The following RNF128 variants were observed in gnomAD, a reference collection of about 807,000 sequenced individuals.
The protein encoded by RNF128 is ring finger protein 128.
RNF128 carries 13 observed loss-of-function variants against 26.2 expected under a neutral mutation model. The observed-to-expected ratio is 0.50, with a 90% CI of 0.32 to 0.79. RNF128 has a LOEUF of 0.79. Among genes scored for constraint, RNF128 ranks in the 30% least tolerant of loss-of-function variants. The pLI is 0.03. For synonymous variants in RNF128, 149 were observed against 142.5 expected, an observed-to-expected ratio of 1.05 and a Z score of -0.32; for missense variants, 315 against 349.7, an observed-to-expected ratio of 0.90 and a Z score of 0.79.
intron 1 of RNF128, among the ~76,000 whole-genome samples, chrX:106,744,859 C>T (rs1320172910): frequency 3.6e-5 from 4 of 111,834 alleles, no homozygotes; most frequent in Non-Finnish European, 7.5e-5. Flanking sequence ...TTGGAGTTCT[C>T]AATAACTTTA....
At chrX:106,694,017 T>C (rs1928828045) in exon 1 of RNF128, 1 of 1,198,621 alleles carries the variant, frequency 8.3e-7, no homozygotes, top group Non-Finnish European at 1.1e-6. Context: ...ACCAGGAGAA[T>C]AGGTCCAGTT....
intron 1 of RNF128, among the ~76,000 whole-genome samples, chrX:106,704,433 GAAAAA>G (rs55870405): frequency 4.0e-5 from 2 of 49,467 alleles, no homozygotes; most frequent in South Asian, 1.6e-3. Flanking sequence ...CTCTGTCTCA[GAAAAA>G]AAAAAAAAAA....
intron 1 of RNF128, among the ~76,000 whole-genome samples, chrX:106,732,039 CAAA>C (rs1396940459): frequency 9.0e-6 from 1 of 111,669 alleles, no homozygotes; most frequent in Non-Finnish European, 1.9e-5. Context: ...AAACTACATT[CAAA>C]GCTTTATATG....
At chrX:106,795,445 A>G in intron 6 of RNF128, 135 bp from the exon 7 acceptor site, 1 of 481,797 alleles carries the variant, frequency 2.1e-6, no homozygotes, top group Non-Finnish European at 3.4e-6. Flanking sequence ...TAATTATTAG[A>G]GGTACAGGGA....
At chrX:106,699,957 G>C (rs1928930069) in intron 1 of RNF128, among the ~76,000 whole-genome samples, 1 of 107,969 alleles carries the variant, frequency 9.3e-6, no homozygotes, top group Non-Finnish European at 1.9e-5. Flanking sequence ...AAAACCTTCA[G>C]GTCGTTCTTG....
chrX:106,795,941 A>G lies in RNF128; in HGVS notation c.*228A>G. On this transcript the variant is annotated 3_prime_UTR_variant, in exon 7 of 7. Transcript: ENST00000255499. ...ATAGGCAAGTTTCCTCTCAGTAGTGATAACAACATTTTTAGACATTCAAAA... is the reference window on the plus strand; with the variant it reads ...ATAGGCAAGTTTCCTCTCAGTAGTGGTAACAACATTTTTAGACATTCAAAA... The G allele has an allele frequency of 4.4e-6, 1 of 225,988 alleles. No individual in the cohort carries two copies. Among genetic ancestry groups the G allele is most frequent in the Admixed American group, 6.9e-5 (1 of 14,509 alleles). The allele number at this position is 225,988 out of a possible 1,213,427, so 18.6% of individuals were successfully genotyped here. A position where few individuals can be genotyped will look rare whatever the true frequency, so the allele number is the denominator to read the frequency against.
At chrX:106,736,384 A>C in intron 1 of RNF128, among the ~76,000 whole-genome samples, 1 of 111,604 alleles carries the variant, frequency 9.0e-6, no homozygotes, top group Non-Finnish European at 1.9e-5. Flanking sequence ...TTTGTGTCAT[A>C]CTTTTCTACC....
chrX:106,733,017 G>A (rs1240654492), intron 1 of RNF128, among the ~76,000 whole-genome samples: 1 of 111,275 alleles, frequency 9.0e-6, no homozygotes, highest in Non-Finnish European at 1.9e-5. Context: ...GGGAAAAGAA[G>A]CATCTGCACT....
intron 1 of RNF128, among the ~76,000 whole-genome samples, chrX:106,740,948 T>A (rs948557586): frequency 9.0e-6 from 1 of 111,460 alleles, no homozygotes; most frequent in Non-Finnish European, 1.9e-5. Flanking sequence ...TCTGAACAGC[T>A]TTTTGTATTT....
intron 4 of RNF128, among the ~76,000 whole-genome samples, chrX:106,789,097 A>ATATATACTATATACTATATATAC (rs1315570666): frequency 1.2e-5 from 1 of 85,613 alleles, no homozygotes; most frequent in African/African-American, 4.3e-5. Flanking sequence ...TATATAGTAT[A>ATATATACTATATACTATATATAC]TATATACTAT....
At chrX:106,751,917 A>G (rs1929897268) in intron 1 of RNF128, among the ~76,000 whole-genome samples, 2 of 109,829 alleles carry the variant, frequency 1.8e-5, no homozygotes, top group South Asian at 8.1e-4. Flanking sequence ...TTCAGGTGTG[A>G]CCCAGCACAT....
chrX:106,767,285 A>G (rs774006362), intron 1 of RNF128, among the ~76,000 whole-genome samples: 1 of 111,779 alleles, frequency 8.9e-6, no homozygotes, highest in African/African-American at 3.3e-5. Flanking sequence ...ATGGCATTGA[A>G]TCTATAAATT....
At chrX:106,739,318 TCCA>T (rs1569439303) in intron 1 of RNF128, among the ~76,000 whole-genome samples, 1 of 110,496 alleles carries the variant, frequency 9.1e-6, no homozygotes, top group Non-Finnish European at 1.9e-5. Context: ...TGCTACCATG[TCCA>T]GCTAATTTTT....
In RNF128 at chrX:106,744,569, C is replaced by T. The variant is rs763636645; in HGVS notation, c.484+17172C>T. ...CTGCCTCCCAGGTTCAAGTGATTCTCCTGTCTCAGCCTCCCAAGTAGCTAG... is the reference window on the plus strand; with the variant it reads ...CTGCCTCCCAGGTTCAAGTGATTCTTCTGTCTCAGCCTCCCAAGTAGCTAG... On this transcript the variant is annotated intron_variant, in intron 1 of 6. Coordinates refer to ENST00000255499, the MANE Select transcript of RNF128 (RefSeq NM_194463.2). 4.5e-5 allele frequency among the ~76,000 whole-genome samples: 5 copies of T among 110,709 alleles called. No homozygotes were observed. The South Asian group carries it at 2.0e-3, about 43-fold the overall frequency.
At chrX:106,704,902 G>A (rs1321978785) in intron 1 of RNF128, among the ~76,000 whole-genome samples, 2 of 112,037 alleles carry the variant, frequency 1.8e-5, no homozygotes, top group Non-Finnish European at 3.8e-5. Flanking sequence ...GTTTATCAAT[G>A]TAAAGGGCTG....
intron 1 of RNF128, among the ~76,000 whole-genome samples, chrX:106,707,752 G>A (rs766104912): frequency 9.1e-6 from 1 of 109,792 alleles, no homozygotes; most frequent in Non-Finnish European, 1.9e-5. Context: ...ATTCTTTCAG[G>A]TTTTAAAAGC....
chrX:106,763,022 T>G (rs753238726), intron 1 of RNF128, among the ~76,000 whole-genome samples: 1 of 108,946 alleles, frequency 9.2e-6, no homozygotes, highest in South Asian at 4.2e-4. Flanking sequence ...TCAGATCATA[T>G]ATGGCTTTAC....
At chrX:106,702,743 A>G (rs1255108392) in intron 1 of RNF128, among the ~76,000 whole-genome samples, 2 of 112,121 alleles carry the variant, frequency 1.8e-5, no homozygotes, top group Admixed American at 9.4e-5. Context: ...CCTAGAAACA[A>G]CATGCCTTAA....
intron 3 of RNF128, 114 bp from the exon 4 acceptor site, chrX:106,787,804 C>A: frequency 2.2e-6 from 1 of 452,348 alleles, no homozygotes; most frequent in South Asian, 3.8e-5. Context: ...TGATATAATG[C>A]TCCTCCTTTT....
Sources: gnomAD v4.1 joint callset for allele counts (sites outside exome capture counted in the v4.1 genomes callset) on GRCh38, gnomAD v4.1.1 for gene constraint, MANE v1.5 for transcripts, NCBI Gene and HGNC (gene_info 2026-07-23, HGNC 2026-07-21) for gene names.